The following UBE3C variants were observed in gnomAD, a reference collection of about 807,000 sequenced individuals.
UBE3C encodes ubiquitin protein ligase E3C, also known as ubiquitin-protein ligase E3C.
A neutral mutation model predicts 129.4 loss-of-function variants in UBE3C; 42 were observed. The observed-to-expected ratio is 0.32, with a 90% CI of 0.25 to 0.42. The LOEUF is 0.42. Among genes scored for constraint, UBE3C ranks in the 10% least tolerant of loss-of-function variants. The pLI, the probability that UBE3C is intolerant of heterozygous loss-of-function variation, is 1.00. For missense variants in UBE3C, 1,049 were observed against 1,319.1 expected, an observed-to-expected ratio of 0.80 and a Z score of 3.17; for synonymous variants, 510 against 492.4, an observed-to-expected ratio of 1.04 and a Z score of -0.47.
chr7:157,214,497 A>G (rs1291115411), intron 13 of UBE3C, among the ~76,000 whole-genome samples: 2 of 152,168 alleles, frequency 1.3e-5, no homozygotes, highest in African/African-American at 4.8e-5. Flanking sequence ...GGGATGATGC[A>G]ATTAAATATG....
chr7:157,174,237 C>A (rs537660421), intron 4 of UBE3C, among the ~76,000 whole-genome samples: 1 of 152,134 alleles, frequency 6.6e-6, no homozygotes, highest in African/African-American at 2.4e-5. Context: ...TGGCGGGCAC[C>A]CGTAATCCGA....
At chr7:157,196,694 T>G (rs1334561336) in intron 10 of UBE3C, among the ~76,000 whole-genome samples, 1 of 152,136 alleles carries the variant, frequency 6.6e-6, no homozygotes, top group Non-Finnish European at 1.5e-5. Flanking sequence ...TTAGGCCAGG[T>G]GCAGTGGCTC....
chr7:157,170,586 G>C, intron 4 of UBE3C, 136 bp downstream of exon 4: 1 of 920,672 alleles, frequency 1.1e-6, no homozygotes, highest in African/African-American at 1.7e-5. Flanking sequence ...TCAGCTAGCT[G>C]TGAGAGGTTA....
chr7:157,250,721 A>G (rs2116686619), intron 19 of UBE3C, among the ~76,000 whole-genome samples: 1 of 152,294 alleles, frequency 6.6e-6, no homozygotes, highest in Non-Finnish European at 1.5e-5. Context: ...CAAAATTTAG[A>G]TAATTTGGCG....
rs561358163 is a variant in UBE3C at position 157,165,274 on chromosome 7, G to A, written c.120+1411G>A. Among the ~76,000 whole-genome samples the A allele has an allele frequency of 3.3e-4, 50 of 151,792 alleles. 1 individual carries two copies. In the South Asian group the frequency reaches 6.2e-3, roughly 19 times the overall value. ...AACTGTAAATGTTTTTGACCTTTGC[G>A]TCGTTTCCCATATTTCCCTCATGTG... On this transcript the variant is annotated intron_variant, in intron 2 of 22. Coordinates refer to ENST00000348165, the MANE Select transcript of UBE3C (RefSeq NM_014671.3).
rs199903783 is a variant in UBE3C at position 157,139,247 on chromosome 7, G to T, written c.-26G>T. On this transcript the variant is annotated 5_prime_UTR_variant, in exon 1 of 23. Coordinates refer to ENST00000348165, the MANE Select transcript of UBE3C (RefSeq NM_014671.3). Reference sequence around the variant, plus strand: ...GCCCGGCTGCTTCCGCGGCGGCGCTGCCCGCACATGGGCTAGGCTGCCAGG... The same window carrying T: ...GCCCGGCTGCTTCCGCGGCGGCGCTTCCCGCACATGGGCTAGGCTGCCAGG... 2.1e-3 allele frequency: 3,197 copies of T among 1,488,090 alleles called. 3 individuals carry two copies. The highest frequency in any genetic ancestry group is 2.6e-3 in the Non-Finnish European group (2,895 of 1,118,846). The allele number at this position is 1,488,090 out of a possible 1,614,324, so 92.2% of individuals were successfully genotyped here. A position where few individuals can be genotyped will look rare whatever the true frequency, so the allele number is the denominator to read the frequency against.
intron 17 of UBE3C, among the ~76,000 whole-genome samples, chr7:157,227,721 C>T (rs1211992935): frequency 6.6e-6 from 1 of 151,954 alleles, no homozygotes; most frequent in African/African-American, 2.4e-5. Flanking sequence ...GAAAAAACTA[C>T]TCCCTGTAGA....
rs540547608 is a variant in UBE3C at position 157,143,719 on chromosome 7, G to T, written c.66+4381G>T. On this transcript the variant is annotated intron_variant, in intron 1 of 22. Transcript: ENST00000348165. ...AGGGCTGGGGTAGATTCTTCAAGAA[G>T]CGGGGAGTGGTCGTTGACTGAATGC... Among the ~76,000 whole-genome samples, 6 of 152,268 alleles carry T rather than the reference G, an allele frequency of 3.9e-5. No individual in the cohort carries two copies. In the East Asian group the frequency reaches 7.7e-4, roughly 20 times the overall value.
rs773674447 is a variant in UBE3C, at chr7:157,178,795, T to C, written c.564T>C (p.Ala188=). 1 of 1,614,214 alleles carries C rather than the reference T, an allele frequency of 6.2e-7. No homozygotes were observed. The highest frequency in any genetic ancestry group is 1.1e-5 in the South Asian group (1 of 91,082). ...ENTYLPVLQD[A]SYVVSVIEQI... ...CTTACTTGCCTGTTTTACAAGATGC[T>C]AGCTATGTGGTGTCAGTGATTGAAC... Residue 188 remains alanine, a synonymous_variant, in exon 6 of 23, where the codon GCT becomes GCC. Coordinates refer to ENST00000348165, the MANE Select transcript of UBE3C (RefSeq NM_014671.3).
At chr7:157,213,728 C>G (rs1392255703) in intron 13 of UBE3C, among the ~76,000 whole-genome samples, 1 of 152,126 alleles carries the variant, frequency 6.6e-6, no homozygotes, top group African/African-American at 2.4e-5. Flanking sequence ...GAAAAATGTT[C>G]TCAGTTGAAT....
intron 1 of UBE3C, chr7:157,139,882 A>G (rs959262470): frequency 3.9e-6 from 2 of 515,690 alleles, no homozygotes; most frequent in Non-Finnish European, 5.0e-6. Context: ...TAATCTCTAA[A>G]GTAGAGGCAG....
chr7:157,247,050 G>A (rs1273743692), intron 18 of UBE3C, among the ~76,000 whole-genome samples: 1 of 152,066 alleles, frequency 6.6e-6, no homozygotes, highest in African/African-American at 2.4e-5. Flanking sequence ...GCCACCACAC[G>A]TAGCTAATTT....
At chr7:157,219,346 G>T (rs961710844) in intron 14 of UBE3C, among the ~76,000 whole-genome samples, 12 of 152,134 alleles carry the variant, frequency 7.9e-5, no homozygotes, top group African/African-American at 2.7e-4. Flanking sequence ...TGGTAGTACG[G>T]TGCACACACC....
intron 18 of UBE3C, among the ~76,000 whole-genome samples, chr7:157,235,261 C>T (rs1419697198): frequency 6.6e-6 from 1 of 152,102 alleles, no homozygotes; most frequent in Non-Finnish European, 1.5e-5. Flanking sequence ...AAAGTGAGCC[C>T]AAGAACCTTC....
chr7:157,152,315 G>C (rs944802952), intron 1 of UBE3C, among the ~76,000 whole-genome samples: 1 of 152,116 alleles, frequency 6.6e-6, no homozygotes, highest in Non-Finnish European at 1.5e-5. Flanking sequence ...CTGGAAAGCC[G>C]CTAAAGAGTT....
At chr7:157,187,377 T>TG (rs1400448080) in intron 10 of UBE3C, among the ~76,000 whole-genome samples, 2 of 139,844 alleles carry the variant, frequency 1.4e-5, no homozygotes, top group Non-Finnish European at 3.0e-5. Context: ...TCGTGTTTTA[T>TG]GGGGTTTTTT....
At chr7:157,242,778 C>T (rs1796373601) in intron 18 of UBE3C, among the ~76,000 whole-genome samples, 1 of 152,056 alleles carries the variant, frequency 6.6e-6, no homozygotes, top group Non-Finnish European at 1.5e-5. Context: ...AGGGTCGAGC[C>T]AGGTCTGGTG....
intron 11 of UBE3C, among the ~76,000 whole-genome samples, chr7:157,204,371 C>T (rs1229202728): frequency 1.4e-5 from 2 of 140,826 alleles, no homozygotes; most frequent in Non-Finnish European, 3.0e-5. Flanking sequence ...GCACTCCAGC[C>T]TGGGTAACAA....
intron 5 of UBE3C, among the ~76,000 whole-genome samples, chr7:157,175,332 G>A (rs1396671433): frequency 6.6e-5 from 10 of 152,082 alleles, no homozygotes; most frequent in Admixed American, 6.5e-4. Context: ...TGGAAGGCCA[G>A]CCAAAAGAGG....
Sources: gnomAD v4.1 joint callset for allele counts (sites outside exome capture counted in the v4.1 genomes callset) on GRCh38, gnomAD v4.1.1 for gene constraint, MANE v1.5 for transcripts, NCBI Gene and HGNC (gene_info 2026-07-23, HGNC 2026-07-21) for gene names.